Variants in ARB2A observed in about 807,000 individuals in gnomAD.
The protein encoded by ARB2A is cotranscriptional regulator ARB2A.
At chr5:93,882,909 A>T in the ARB2A span, among the ~76,000 whole-genome samples, 3 of 151,572 alleles carry the variant, frequency 2.0e-5, no homozygotes, top group African/African-American at 7.3e-5. Context: ...TCAAGACAGT[A>T]ACTGTAGAAT....
chr5:93,965,961 T>C, the ARB2A span, among the ~76,000 whole-genome samples: 1 of 152,154 alleles, frequency 6.6e-6, no homozygotes, highest in Admixed American at 6.6e-5. Flanking sequence ...GCTATGACAC[T>C]ACATTAGAAC....
At chr5:93,820,023 G>A in the ARB2A span, among the ~76,000 whole-genome samples, 2 of 152,156 alleles carry the variant, frequency 1.3e-5, no homozygotes, top group East Asian at 3.8e-4. Context: ...ATTTCTAAGT[G>A]ATTTTTTAAT....
the ARB2A span, among the ~76,000 whole-genome samples, chr5:93,764,684 A>T: frequency 6.6e-6 from 1 of 152,232 alleles, no homozygotes; most frequent in African/African-American, 2.4e-5. Context: ...AATCCTCCCT[A>T]ACTCATTTTA....
the ARB2A span, among the ~76,000 whole-genome samples, chr5:93,872,137 G>A: frequency 4.0e-5 from 6 of 151,696 alleles, no homozygotes; most frequent in Admixed American, 6.6e-5. Flanking sequence ...TAGTAGAGAC[G>A]GTGTTTCACC....
the ARB2A span, among the ~76,000 whole-genome samples, chr5:93,955,844 TCTG>T: frequency 6.6e-6 from 1 of 152,192 alleles, no homozygotes; most frequent in Admixed American, 6.5e-5. Context: ...CACGTCAACA[TCTG>T]CTCCTACCAC....
At chr5:93,969,892 G>C in the ARB2A span, among the ~76,000 whole-genome samples, 1 of 152,066 alleles carries the variant, frequency 6.6e-6, no homozygotes, top group African/African-American at 2.4e-5. Flanking sequence ...GGGTGGGGAA[G>C]AGTGACATTA....
the ARB2A span, among the ~76,000 whole-genome samples, chr5:93,939,205 A>G: frequency 6.6e-6 from 1 of 152,122 alleles, no homozygotes; most frequent in Admixed American, 6.6e-5. Flanking sequence ...GCCAATTGGG[A>G]ATTTTAACAT....
the ARB2A span, among the ~76,000 whole-genome samples, chr5:93,820,600 T>C: frequency 6.6e-6 from 1 of 152,220 alleles, no homozygotes; most frequent in Non-Finnish European, 1.5e-5. Context: ...AATAATTCTA[T>C]TATGTGTAAA....
At chr5:93,872,306 A>C in the ARB2A span, among the ~76,000 whole-genome samples, 2 of 152,152 alleles carry the variant, frequency 1.3e-5, no homozygotes. Context: ...AAAGTCTAAC[A>C]GATATGATTA....
the ARB2A span, among the ~76,000 whole-genome samples, chr5:94,087,888 T>C: frequency 2.6e-5 from 4 of 152,226 alleles, no homozygotes; most frequent in African/African-American, 9.6e-5. Flanking sequence ...CCCAGGTGTG[T>C]AACAGACTAT....
the ARB2A span, among the ~76,000 whole-genome samples, chr5:94,043,597 A>T: frequency 2.6e-5 from 4 of 152,188 alleles, no homozygotes; most frequent in Non-Finnish European, 5.9e-5. Flanking sequence ...AGCCAATAAA[A>T]GCCCCTAGCA....
chr5:94,035,419 A>G, the ARB2A span, among the ~76,000 whole-genome samples: 1 of 152,056 alleles, frequency 6.6e-6, no homozygotes, highest in Non-Finnish European at 1.5e-5. Flanking sequence ...AATCCTGAAA[A>G]TCTTGATTCA....
At chr5:93,886,947 G>C in the ARB2A span, among the ~76,000 whole-genome samples, 1 of 151,644 alleles carries the variant, frequency 6.6e-6, no homozygotes, top group Admixed American at 6.6e-5. Flanking sequence ...TCCCAGTTAA[G>C]TTTCCAACTT....
the ARB2A span, among the ~76,000 whole-genome samples, chr5:93,885,309 G>T: frequency 6.6e-6 from 1 of 151,468 alleles, no homozygotes; most frequent in Admixed American, 6.6e-5. Context: ...CTCTACTAAG[G>T]AAGGCTCCAT....
chr5:93,741,506 C>T, the ARB2A span: 3 of 1,611,000 alleles, frequency 1.9e-6, no homozygotes, highest in Admixed American at 1.7e-5. Context: ...CCTCTGGGGC[C>T]GCCCCCACCA....
the ARB2A span, among the ~76,000 whole-genome samples, chr5:93,767,761 G>A: frequency 6.6e-5 from 10 of 151,838 alleles, no homozygotes; most frequent in Non-Finnish European, 1.0e-4. Flanking sequence ...TTGGGAGGCC[G>A]AGATGGGTGG....
At chr5:93,999,915 T>C in the ARB2A span, among the ~76,000 whole-genome samples, 3 of 152,140 alleles carry the variant, frequency 2.0e-5, no homozygotes, top group South Asian at 2.1e-4. Context: ...ATACAGTAGG[T>C]AGCCTGTTCA....
At chr5:94,037,451 C>G in the ARB2A span, among the ~76,000 whole-genome samples, 1 of 152,038 alleles carries the variant, frequency 6.6e-6, no homozygotes. Flanking sequence ...ATTATAACAG[C>G]AATAATAAAT....
the ARB2A span, among the ~76,000 whole-genome samples, chr5:93,697,282 A>G: frequency 1.3e-5 from 2 of 151,474 alleles, no homozygotes; most frequent in Non-Finnish European, 2.9e-5. Flanking sequence ...GACCCTTTCT[A>G]TATCTCTCCC....
Sources: allele counts gnomAD v4.1 joint callset (sites outside exome capture counted in the v4.1 genomes callset), GRCh38; gene constraint gnomAD v4.1.1; transcripts MANE v1.5; gene names NCBI Gene and HGNC (gene_info 2026-07-23, HGNC 2026-07-21).